Variants in EXT1 observed in about 807,000 individuals in gnomAD.
The protein encoded by EXT1 is exostosin-1.
In EXT1, 20 loss-of-function variants were observed where a neutral mutation model predicts 82.5. The ratio of observed to expected loss-of-function variants is 0.24; its 90% confidence interval spans 0.17 to 0.35. EXT1 has a LOEUF of 0.35. Ranked by LOEUF, EXT1 falls within the 10% of genes least tolerant of loss-of-function variation. The pLI, the probability that EXT1 is intolerant of heterozygous loss-of-function variation, is 1.00. For synonymous variants in EXT1, 348 were observed against 350.8 expected (o/e 0.99, Z 0.09); for missense variants, 757 against 936.5 (o/e 0.81, Z 2.50).
chr8:117,979,375 C>CAA (rs201887407), intron 1 of EXT1, among the ~76,000 whole-genome samples: 11 of 82,452 alleles, frequency 1.3e-4, no homozygotes, highest in Non-Finnish European at 2.4e-4. Context: ...AACAAACAAA[C>CAA]AAACAAAAAA....
chr8:118,099,510 T>C (rs1817678346), intron 1 of EXT1, among the ~76,000 whole-genome samples: 1 of 152,182 alleles, frequency 6.6e-6, no homozygotes, highest in South Asian at 2.1e-4. Context: ...ATACTATTGT[T>C]TGTGAGTGTG....
chr8:118,093,336 A>T (rs1389213949), intron 1 of EXT1, among the ~76,000 whole-genome samples: 1 of 151,816 alleles, frequency 6.6e-6, no homozygotes, highest in African/African-American at 2.4e-5. Flanking sequence ...ACAGGCCTAT[A>T]ATCATCATTG....
At chr8:117,890,537 C>G (rs527629519) in intron 1 of EXT1, among the ~76,000 whole-genome samples, 2 of 152,182 alleles carry the variant, frequency 1.3e-5, no homozygotes. Flanking sequence ...TCATAGTAGG[C>G]AGGGCAATGT....
At chr8:118,009,138 A>G (rs1815842856) in intron 1 of EXT1, among the ~76,000 whole-genome samples, 3 of 152,224 alleles carry the variant, frequency 2.0e-5, no homozygotes, top group African/African-American at 4.8e-5. Context: ...CAGAAGCCAC[A>G]TCGCAATAGG....
At chr8:117,881,557 G>C (rs1361631218) in intron 1 of EXT1, among the ~76,000 whole-genome samples, 1 of 152,146 alleles carries the variant, frequency 6.6e-6, no homozygotes, top group East Asian at 1.9e-4. Flanking sequence ...TTGAGTCAAG[G>C]GGTAAAGCAA....
rs565894634 is a variant in EXT1 at position 117,938,008 on chromosome 8, G to T, written c.963-100807C>A. 5.3e-5 allele frequency among the ~76,000 whole-genome samples: 8 copies of T among 152,344 alleles called. No homozygotes were observed. In the East Asian group the frequency reaches 1.4e-3, roughly 26 times the overall value. On this transcript the variant is annotated intron_variant, in intron 1 of 10. Transcript: ENST00000378204. ...GAGGGTATTCACTTCTGAAACTGCA[G>T]TACCAGACACCTCAATAGGAAATAT...
At chr8:118,003,519 G>T (rs1183382776) in intron 1 of EXT1, among the ~76,000 whole-genome samples, 1 of 152,062 alleles carries the variant, frequency 6.6e-6, no homozygotes, top group Non-Finnish European at 1.5e-5. Flanking sequence ...AATCAAAGAA[G>T]GGAAATTTAA....
chr8:118,102,087 C>T (rs1166060584), intron 1 of EXT1, among the ~76,000 whole-genome samples: 1 of 151,852 alleles, frequency 6.6e-6, no homozygotes, highest in Non-Finnish European at 1.5e-5. Flanking sequence ...GCCAATACAG[C>T]AAAACCCCAT....
chr8:118,104,653 A>G (rs1817777632), intron 1 of EXT1, among the ~76,000 whole-genome samples: 3 of 152,160 alleles, frequency 2.0e-5, no homozygotes. Flanking sequence ...CAAATTTTGG[A>G]TTTTTTTAGA....
At chr8:118,039,557 C>CAAAAAAAAAAAAAA (rs71307422) in intron 1 of EXT1, among the ~76,000 whole-genome samples, 1 of 82,046 alleles carries the variant, frequency 1.2e-5, no homozygotes, top group African/African-American at 4.4e-5. Flanking sequence ...GACTCCGTCA[C>CAAAAAAAAAAAAAA]AAAAAAAAAA....
At chr8:118,024,654 C>A (rs953469606) in intron 1 of EXT1, among the ~76,000 whole-genome samples, 2 of 152,076 alleles carry the variant, frequency 1.3e-5, no homozygotes, top group Non-Finnish European at 2.9e-5. Flanking sequence ...CCTAAATGAA[C>A]AGTCAAGAAA....
At chr8:117,995,855 A>G (rs28357297) in intron 1 of EXT1, among the ~76,000 whole-genome samples, 4 of 152,178 alleles carry the variant, frequency 2.6e-5, no homozygotes, top group South Asian at 2.1e-4. Flanking sequence ...ATTATCATCA[A>G]CTGCCATTCT....
chr8:117,980,378 C>G (rs1815164656), intron 1 of EXT1, among the ~76,000 whole-genome samples: 1 of 152,176 alleles, frequency 6.6e-6, no homozygotes, highest in African/African-American at 2.4e-5. Flanking sequence ...TCTGCCATCG[C>G]CACTGTCACC....
At chr8:117,832,411 C>G (rs928049414) in intron 3 of EXT1, among the ~76,000 whole-genome samples, 5 of 151,940 alleles carry the variant, frequency 3.3e-5, no homozygotes, top group East Asian at 1.9e-4. Context: ...ATAGGCCCAG[C>G]TACTCGGAAG....
intron 1 of EXT1, among the ~76,000 whole-genome samples, chr8:117,987,000 A>T (rs946300749): frequency 6.6e-6 from 1 of 152,182 alleles, no homozygotes; most frequent in Admixed American, 6.5e-5. Context: ...CACTTTTTGG[A>T]AGATTCAGGA....
At chr8:117,802,426 T>G (rs941840593) in intron 10 of EXT1, among the ~76,000 whole-genome samples, 1 of 152,232 alleles carries the variant, frequency 6.6e-6, no homozygotes, top group Non-Finnish European at 1.5e-5. Flanking sequence ...TCCCATATAC[T>G]GTAATACCAT....
chr8:118,055,199 A>G (rs1816776590), intron 1 of EXT1, among the ~76,000 whole-genome samples: 1 of 152,178 alleles, frequency 6.6e-6, no homozygotes, highest in African/African-American at 2.4e-5. Flanking sequence ...ATTGTACATT[A>G]ATTTGCATCT....
chr8:117,948,867 G>A (rs1294925164), intron 1 of EXT1, among the ~76,000 whole-genome samples: 1 of 152,132 alleles, frequency 6.6e-6, no homozygotes, highest in African/African-American at 2.4e-5. Flanking sequence ...ATCTACTTAT[G>A]TTTTGGGTTG....
chr8:117,987,299 C>T lies in EXT1; in HGVS notation c.962+122786G>A, dbSNP rs28357296. On this transcript the variant is annotated intron_variant, in intron 1 of 10. Transcript: ENST00000378204. ...TGGAGTCACTAAAAAGAAAAAATTT[C>T]TTTCAGTGACCAGACACTGGGAAAA... 2.0e-3 allele frequency among the ~76,000 whole-genome samples: 298 copies of T among 152,324 alleles called. 9 individuals carry two copies. The East Asian group carries it at 0.052, about 26-fold the overall frequency.
Sources: allele counts gnomAD v4.1 joint callset (sites outside exome capture counted in the v4.1 genomes callset), GRCh38; gene constraint gnomAD v4.1.1; transcripts MANE v1.5; gene names NCBI Gene and HGNC (gene_info 2026-07-23, HGNC 2026-07-21).